Variants in MYO3B observed in about 807,000 individuals in gnomAD.
MYO3B encodes the protein myosin IIIB, also known as myosin-IIIb.
A neutral mutation model predicts 174.6 loss-of-function variants in MYO3B; 156 were observed. The ratio of observed to expected loss-of-function variants is 0.89; its 90% CI spans 0.78 to 1.02. The LOEUF is 1.02. Ranked by LOEUF, MYO3B falls within the 50% of genes least tolerant of loss-of-function variation. MYO3B has a pLI of 0.00. For synonymous variants in MYO3B, 563 were observed against 569.1 expected, an observed-to-expected ratio of 0.99 and a Z score of 0.15; for missense variants, 1,632 against 1,639.4, an observed-to-expected ratio of 1.00 and a Z score of 0.08.
intron 8 of MYO3B, among the ~76,000 whole-genome samples, chr2:170,345,443 G>A (rs2094008726): frequency 6.6e-6 from 1 of 152,044 alleles, no homozygotes. Flanking sequence ...ATAATATTTA[G>A]CTGTCATACC....
At chr2:170,423,432 A>C (rs1205033621) in intron 22 of MYO3B, among the ~76,000 whole-genome samples, 1 of 152,174 alleles carries the variant, frequency 6.6e-6, no homozygotes. Context: ...ATCCTCCCAA[A>C]GAAAATAAAG....
At chr2:170,597,987 G>A (rs890548630) in intron 32 of MYO3B, among the ~76,000 whole-genome samples, 2 of 152,062 alleles carry the variant, frequency 1.3e-5, no homozygotes, top group Admixed American at 6.6e-5. Flanking sequence ...TAGCATTTGG[G>A]GACAGCTAAA....
intron 30 of MYO3B, among the ~76,000 whole-genome samples, chr2:170,529,088 T>C (rs1306020605): frequency 6.6e-6 from 1 of 152,204 alleles, no homozygotes; most frequent in East Asian, 1.9e-4. Context: ...TTATAAAAAG[T>C]CAATTTTTTA....
intron 32 of MYO3B, among the ~76,000 whole-genome samples, chr2:170,569,906 C>T (rs1397396804): frequency 2.7e-5 from 4 of 147,892 alleles, no homozygotes; most frequent in Non-Finnish European, 4.5e-5. Context: ...GTCATGGAAA[C>T]GTTTTGCTCT....
chr2:170,238,676 GAAGAAGTGAC>G (rs1461957027), intron 7 of MYO3B, among the ~76,000 whole-genome samples: 1 of 40,808 alleles, frequency 2.5e-5, no homozygotes, highest in Non-Finnish European at 6.1e-5. Context: ...TGGAGTCAGG[GAAGAAGTGAC>G]TTTCACAAGT....
intron 8 of MYO3B, among the ~76,000 whole-genome samples, chr2:170,364,487 C>G (rs1176827940): frequency 6.6e-6 from 1 of 152,154 alleles, no homozygotes; most frequent in Non-Finnish European, 1.5e-5. Flanking sequence ...CAATCCCATA[C>G]AGAGTTTAAC....
intron 1 of MYO3B, among the ~76,000 whole-genome samples, chr2:170,185,859 A>AT (rs991300162): frequency 1.3e-4 from 7 of 52,730 alleles, no homozygotes; most frequent in African/African-American, 2.7e-4. Flanking sequence ...GAGATCTTTC[A>AT]TTTTTTTGGG....
intron 9 of MYO3B, among the ~76,000 whole-genome samples, chr2:170,378,417 C>G (rs2094310174): frequency 6.6e-6 from 1 of 152,172 alleles, no homozygotes; most frequent in Non-Finnish European, 1.5e-5. Flanking sequence ...GCCTACTTCA[C>G]TTTTAGGAGC....
At chr2:170,412,985 G>T (rs1401474642) in intron 22 of MYO3B, among the ~76,000 whole-genome samples, 2 of 152,182 alleles carry the variant, frequency 1.3e-5, no homozygotes, top group Non-Finnish European at 2.9e-5. Context: ...TAGATATGGT[G>T]CTATGTATAG....
intron 32 of MYO3B, among the ~76,000 whole-genome samples, chr2:170,605,013 T>G (rs1694728679): frequency 6.6e-6 from 1 of 152,172 alleles, no homozygotes; most frequent in Non-Finnish European, 1.5e-5. Context: ...TTAAAACATT[T>G]TTTACTGTAC....
chr2:170,302,769 T>C (rs1559371757), intron 7 of MYO3B, among the ~76,000 whole-genome samples: 1 of 152,228 alleles, frequency 6.6e-6, no homozygotes, highest in Non-Finnish European at 1.5e-5. Context: ...ATTTTATATG[T>C]GTTAATTCCT....
intron 25 of MYO3B, among the ~76,000 whole-genome samples, chr2:170,480,247 T>A (rs1685605517): frequency 6.6e-6 from 1 of 152,174 alleles, no homozygotes; most frequent in African/African-American, 2.4e-5. Flanking sequence ...AATCTTCCCC[T>A]TTCTGATTGT....
chr2:170,386,364 A>G, intron 13 of MYO3B, 92 bp downstream of exon 13: 2 of 1,090,950 alleles, frequency 1.8e-6, no homozygotes, highest in South Asian at 2.9e-5. Flanking sequence ...GGTTTTTTTT[A>G]TTAAGGCTTA....
At chr2:170,536,210 C>T (rs1224915031) in intron 30 of MYO3B, among the ~76,000 whole-genome samples, 1 of 152,152 alleles carries the variant, frequency 6.6e-6, no homozygotes, top group Non-Finnish European at 1.5e-5. Context: ...TTAAAGGGCT[C>T]AGTGGGATTT....
intron 6 of MYO3B, 114 bp from the exon 7 acceptor site, chr2:170,235,877 A>G: frequency 1.6e-6 from 2 of 1,252,508 alleles, no homozygotes; most frequent in Non-Finnish European, 2.3e-6. Flanking sequence ...ACTGGAATTC[A>G]ATATCATCGT....
intron 28 of MYO3B, among the ~76,000 whole-genome samples, chr2:170,514,408 A>G (rs1002372870): frequency 1.3e-5 from 2 of 152,216 alleles, no homozygotes; most frequent in East Asian, 1.9e-4. Context: ...ATAAAAATCT[A>G]TGATCAGGGC....
chr2:170,320,658 T>C (rs930532800), intron 7 of MYO3B, among the ~76,000 whole-genome samples: 1 of 151,876 alleles, frequency 6.6e-6, no homozygotes, highest in African/African-American at 2.4e-5. Context: ...ATATATGTTA[T>C]GTATGTCATA....
Position 170,592,456 on chromosome 2 carries a change from C to A in MYO3B, c.3733+48468C>A, listed in dbSNP as rs138365936. 5.1e-4 allele frequency among the ~76,000 whole-genome samples: 77 copies of A among 152,256 alleles called. 1 individual carries two copies. The East Asian group carries it at 0.013, about 26-fold the overall frequency. ...AAGATTAGAAAGCCTCCCCAAACAC[C>A]TCAATAAACCCATGAGAAAACCACA... On this transcript the variant is annotated intron_variant, in intron 32 of 34. Coordinates refer to ENST00000408978, the MANE Select transcript of MYO3B (RefSeq NM_138995.5).
chr2:170,201,614 T>C (rs375751388), intron 3 of MYO3B, among the ~76,000 whole-genome samples: 2 of 46,500 alleles, frequency 4.3e-5, no homozygotes, highest in Non-Finnish European at 8.0e-5. Context: ...TCAGAATATA[T>C]AAGATGTAAG....
Sources: gnomAD v4.1 joint callset for allele counts (sites outside exome capture counted in the v4.1 genomes callset) on GRCh38, gnomAD v4.1.1 for gene constraint, MANE v1.5 for transcripts, NCBI Gene and HGNC (gene_info 2026-07-23, HGNC 2026-07-21) for gene names.